The following SNCAIP variants were observed in gnomAD, a reference collection of about 807,000 sequenced individuals.
SNCAIP encodes synuclein alpha interacting protein.
SNCAIP carries 43 observed loss-of-function variants against 86.7 expected under a neutral mutation model. The observed-to-expected ratio is 0.50, with a 90% CI of 0.39 to 0.64. The LOEUF is 0.64. Ranked by LOEUF, SNCAIP falls within the 30% of genes least tolerant of loss-of-function variation. The pLI is 0.00. For synonymous variants in SNCAIP, 417 were observed against 427.2 expected (o/e 0.98, Z 0.29); for missense variants, 981 against 1,103.1 (o/e 0.89, Z 1.57).
At position 122,450,748 on chromosome 5, in the gene SNCAIP, C is replaced by A; in HGVS notation, c.1901C>A (p.Thr634Asn). 1 of 1,614,072 alleles carries A rather than the reference C, an allele frequency of 6.2e-7. No homozygotes were observed. Among genetic ancestry groups the A allele is most frequent in the Middle Eastern group, 1.6e-4 (1 of 6,062 alleles). ...AAGGAAATCTCAGAAAATGTCTGCA[C>A]CCAGGAAAAACTGTCCTTGGAATTC... Reference protein sequence around the residue: ...LGKEISENVCTQEKLSLEFQD... With the variant: ...LGKEISENVCNQEKLSLEFQD... The change falls in exon 10 of 11, where the codon ACC (threonine) becomes AAC (asparagine). Residue 634 changes from threonine to asparagine, a missense_variant. Physicochemically the swap from Thr to Asn is moderately conservative, Grantham distance 65 (BLOSUM62 0). Coordinates refer to ENST00000261368, the MANE Select transcript of SNCAIP (RefSeq NM_005460.4).
chr5:122,449,969 T>A, intron 9 of SNCAIP, 32 bp downstream of exon 9: 1 of 1,411,246 alleles, frequency 7.1e-7, no homozygotes. Context: ...TTAGCATTCT[T>A]AAGTATCCTA....
chr5:122,450,226 GAT>G (rs544135437), intron 9 of SNCAIP, among the ~76,000 whole-genome samples: 1 of 151,406 alleles, frequency 6.6e-6, no homozygotes, highest in African/African-American at 2.4e-5. Context: ...GGGAATAGGA[GAT>G]ATATATATAT....
chr5:122,321,957 T>C (rs1212620684), intron 1 of SNCAIP: 1 of 150,104 alleles, frequency 6.7e-6, no homozygotes, highest in Non-Finnish European at 1.5e-5. Flanking sequence ...TTCAACAACA[T>C]GGAAAAAAAA....
At chr5:122,385,673 A>ATGTGTG (rs371793989) in intron 1 of SNCAIP, among the ~76,000 whole-genome samples, 107 of 138,426 alleles carry the variant, frequency 7.7e-4, no homozygotes, top group East Asian at 3.0e-3. Flanking sequence ...GTGCGCACGT[A>ATGTGTG]TGTGTGTGTG....
intron 1 of SNCAIP, among the ~76,000 whole-genome samples, chr5:122,327,231 G>A (rs1283153165): frequency 6.6e-6 from 1 of 152,074 alleles, no homozygotes; most frequent in Non-Finnish European, 1.5e-5. Context: ...TACCAGTAAT[G>A]TGGTAATAAA....
At chr5:122,435,483 G>C (rs1405091956) in intron 6 of SNCAIP, among the ~76,000 whole-genome samples, 3 of 152,140 alleles carry the variant, frequency 2.0e-5, no homozygotes, top group African/African-American at 7.2e-5. Flanking sequence ...TGGGCTCTAT[G>C]TTACTTTCAA....
intron 7 of SNCAIP, among the ~76,000 whole-genome samples, chr5:122,443,255 C>T (rs1781482241): frequency 6.6e-6 from 1 of 152,188 alleles, no homozygotes; most frequent in South Asian, 2.1e-4. Context: ...ACACTGTCTA[C>T]TACCCAGATT....
chr5:122,399,855 A>G (rs550639786), intron 2 of SNCAIP, among the ~76,000 whole-genome samples: 249 of 152,208 alleles, frequency 1.6e-3, no homozygotes, highest in Non-Finnish European at 2.7e-3. Context: ...ATGGCTTGTG[A>G]AAAAACAGAT....
At position 122,425,617 on chromosome 5, in the gene SNCAIP, G is replaced by T. The variant is rs1189462938; in HGVS notation, c.1182+86G>T. ...CCTTGTGAGCTAAAGTGTTGGAAGGGAGAGAAGAGAGTGATTTGTCAAGCA... is the reference window on the plus strand; with the variant it reads ...CCTTGTGAGCTAAAGTGTTGGAAGGTAGAGAAGAGAGTGATTTGTCAAGCA... On this transcript the variant is annotated intron_variant, in intron 5 of 10. Transcript: ENST00000261368. 3 of 1,092,858 alleles carry T rather than the reference G, an allele frequency of 2.7e-6. No homozygotes were observed. The East Asian group carries it at 7.2e-5, about 26-fold the overall frequency. 67.7% of individuals were successfully genotyped at this position (1,092,858 alleles called of 1,614,324 possible).
intron 1 of SNCAIP, among the ~76,000 whole-genome samples, chr5:122,357,698 A>T (rs1434793727): frequency 1.3e-5 from 2 of 150,968 alleles, no homozygotes; most frequent in African/African-American, 4.9e-5. Flanking sequence ...TGGTCTGATT[A>T]ATCCAATGGA....
At position 122,361,678 on chromosome 5, in the gene SNCAIP, T is replaced by A. The variant is rs191175333; in HGVS notation, c.-46-29411T>A. 3.0e-3 allele frequency among the ~76,000 whole-genome samples: 449 copies of A among 152,200 alleles called. 1 individual carries two copies. Among genetic ancestry groups the A allele is most frequent in the Non-Finnish European group, 4.8e-3 (328 of 67,956 alleles). ...GCTGTGTGGAGTTACTGTCATCCTC[T>A]GATGAAGAGCTCCATCGATGCCTTA... On this transcript the variant is annotated intron_variant, in intron 1 of 10. Coordinates refer to ENST00000261368, the MANE Select transcript of SNCAIP (RefSeq NM_005460.4).
rs192559522 is a variant in SNCAIP at position 122,362,556 on chromosome 5, T to C, written c.-46-28533T>C. 1.1e-3 allele frequency among the ~76,000 whole-genome samples: 168 copies of C among 152,162 alleles called. 1 individual carries two copies. Among genetic ancestry groups the C allele is most frequent in the African/African-American group, 3.8e-3 (156 of 41,520 alleles). ...TTGTAGTGGATAAGAACAAGGAAAA[T>C]TCAAGGCTTATCAGTAGAAATGGAA... On this transcript the variant is annotated intron_variant, in intron 1 of 10. Transcript: ENST00000261368.
intron 6 of SNCAIP, among the ~76,000 whole-genome samples, chr5:122,435,694 G>T (rs1018284090): frequency 4.6e-5 from 7 of 152,040 alleles, no homozygotes; most frequent in African/African-American, 1.7e-4. Context: ...AAAAGAAAAG[G>T]CTCAGCAATT....
intron 3 of SNCAIP, among the ~76,000 whole-genome samples, chr5:122,412,717 C>CA (rs1297611362): frequency 3.1e-4 from 47 of 152,164 alleles, no homozygotes; most frequent in Non-Finnish European, 5.9e-4. Flanking sequence ...TTTAATGGCC[C>CA]ACTCAATGTC....
intron 8 of SNCAIP, among the ~76,000 whole-genome samples, chr5:122,445,281 G>GCACTATT (rs1173752765): frequency 6.6e-6 from 1 of 152,186 alleles, no homozygotes; most frequent in Non-Finnish European, 1.5e-5. Flanking sequence ...CAGTCAGCAT[G>GCACTATT]AAGTTACTTA....
chr5:122,338,933 A>C, intron 1 of SNCAIP, among the ~76,000 whole-genome samples: 1 of 152,134 alleles, frequency 6.6e-6, no homozygotes, highest in Admixed American at 6.6e-5. Context: ...TAGTACAAGG[A>C]GCTCTCCTAG....
intron 6 of SNCAIP, among the ~76,000 whole-genome samples, chr5:122,434,235 A>T (rs1163755962): frequency 6.6e-6 from 1 of 152,242 alleles, no homozygotes; most frequent in African/African-American, 2.4e-5. Context: ...AGGAATTTTA[A>T]GTATCAGTGG....
At chr5:122,320,244 A>T (rs529388580) in intron 1 of SNCAIP, among the ~76,000 whole-genome samples, 19 of 152,336 alleles carry the variant, frequency 1.2e-4, no homozygotes, top group African/African-American at 4.3e-4. Context: ...ATCTCTAGGT[A>T]AGTTTCTACT....
intron 8 of SNCAIP, among the ~76,000 whole-genome samples, chr5:122,449,087 T>C (rs759013488): frequency 6.6e-6 from 1 of 152,052 alleles, no homozygotes; most frequent in Non-Finnish European, 1.5e-5. Flanking sequence ...ACATCACAAA[T>C]TGAAAATATC....
Sources: gnomAD v4.1 joint callset for allele counts (sites outside exome capture counted in the v4.1 genomes callset) on GRCh38, gnomAD v4.1.1 for gene constraint, MANE v1.5 for transcripts, NCBI Gene and HGNC (gene_info 2026-07-23, HGNC 2026-07-21) for gene names.